The following SLC44A5 variants were observed in gnomAD, a reference collection of about 807,000 sequenced individuals.
The protein encoded by SLC44A5 is choline transporter-like protein 5.
Under a neutral mutation model 101.8 loss-of-function variants are expected in SLC44A5, and 57 were observed. That is an observed-to-expected ratio of 0.56 (90% CI 0.45 to 0.70). SLC44A5 has a LOEUF of 0.70. SLC44A5 is among the 30% of genes least tolerant of loss of function. SLC44A5 has a pLI of 0.00. For synonymous variants in SLC44A5, 281 were observed against 290.9 expected, an observed-to-expected ratio of 0.97 and a Z score of 0.35; for missense variants, 737 against 853.1, an observed-to-expected ratio of 0.86 and a Z score of 1.70.
chr1:75,302,147 C>T (rs757266721), intron 4 of SLC44A5, among the ~76,000 whole-genome samples: 5 of 73,754 alleles, frequency 6.8e-5, no homozygotes, highest in Non-Finnish European at 9.3e-5. Flanking sequence ...GGTTAACAAC[C>T]ATTGTAAGCA....
At chr1:75,693,451 A>G in the SLC44A5 span, among the ~76,000 whole-genome samples, 1 of 152,160 alleles carries the variant, frequency 6.6e-6, no homozygotes, top group South Asian at 2.1e-4. Context: ...CTGTTTGTTC[A>G]CCTGGCCTTA....
chr1:75,661,483 G>A, the SLC44A5 span, among the ~76,000 whole-genome samples: 1 of 146,074 alleles, frequency 6.8e-6, no homozygotes, highest in Non-Finnish European at 1.5e-5. Context: ...AAAAGCACAG[G>A]CAACAAAAGC....
intron 1 of SLC44A5, among the ~76,000 whole-genome samples, chr1:75,600,373 A>G (rs147306391): frequency 0.011 from 1,746 of 152,308 alleles, 44 homozygotes; most frequent in African/African-American, 0.04. Flanking sequence ...TTGTTTTCCA[A>G]AACTTTTTCA....
chr1:75,536,802 C>T (rs1046378642), intron 2 of SLC44A5, among the ~76,000 whole-genome samples: 7 of 144,616 alleles, frequency 4.8e-5, no homozygotes, highest in Admixed American at 4.8e-4. Flanking sequence ...GTCAGGAGAT[C>T]GAGACCATCC....
At chr1:75,353,004 A>G (rs1329712068) in intron 3 of SLC44A5, among the ~76,000 whole-genome samples, 2 of 152,154 alleles carry the variant, frequency 1.3e-5, no homozygotes, top group African/African-American at 4.8e-5. Context: ...ATACATTCCT[A>G]AATAATATAA....
intron 1 of SLC44A5, among the ~76,000 whole-genome samples, chr1:75,557,714 T>C (rs1672297642): frequency 6.6e-6 from 1 of 152,130 alleles, no homozygotes; most frequent in African/African-American, 2.4e-5. Flanking sequence ...TATACACATT[T>C]ACACTGTAGT....
intron 3 of SLC44A5, among the ~76,000 whole-genome samples, chr1:75,361,709 A>G (rs192579353): frequency 6.6e-6 from 1 of 152,136 alleles, no homozygotes; most frequent in Non-Finnish European, 1.5e-5. Flanking sequence ...CTTGATCATG[A>G]TGCATAATTG....
intron 2 of SLC44A5, among the ~76,000 whole-genome samples, chr1:75,519,612 A>T (rs1670011600): frequency 6.6e-6 from 1 of 152,200 alleles, no homozygotes; most frequent in Non-Finnish European, 1.5e-5. Context: ...CACAATTCTC[A>T]ATAACAAAAC....
the SLC44A5 span, among the ~76,000 whole-genome samples, chr1:75,627,368 C>A: frequency 6.6e-6 from 1 of 151,844 alleles, no homozygotes; most frequent in Admixed American, 6.6e-5. Context: ...ATTAGGGAGC[C>A]CCTGAATGTC....
At chr1:75,320,953 T>TA (rs1327620840) in intron 4 of SLC44A5, among the ~76,000 whole-genome samples, 1 of 152,108 alleles carries the variant, frequency 6.6e-6, no homozygotes, top group Non-Finnish European at 1.5e-5. Context: ...AGTGTGCTTA[T>TA]TTATCATTGT....
intron 5 of SLC44A5, among the ~76,000 whole-genome samples, chr1:75,277,513 C>T (rs1435828029): frequency 6.6e-6 from 1 of 151,938 alleles, no homozygotes; most frequent in African/African-American, 2.4e-5. Context: ...ACTAGAAAGG[C>T]GATAATGCTT....
At chr1:75,587,878 T>C (rs1383683729) in intron 1 of SLC44A5, among the ~76,000 whole-genome samples, 2 of 152,190 alleles carry the variant, frequency 1.3e-5, no homozygotes, top group Non-Finnish European at 2.9e-5. Context: ...GAGGTTTTAC[T>C]GCGTCTGGCA....
intron 2 of SLC44A5, among the ~76,000 whole-genome samples, chr1:75,520,027 C>T (rs1469660948): frequency 6.6e-6 from 1 of 152,136 alleles, no homozygotes; most frequent in East Asian, 1.9e-4. Context: ...AAAAACATAC[C>T]ATGATGGAGA....
At chr1:75,661,169 A>C in the SLC44A5 span, among the ~76,000 whole-genome samples, 1 of 152,024 alleles carries the variant, frequency 6.6e-6, no homozygotes, top group African/African-American at 2.4e-5. Flanking sequence ...AATTGAAAAC[A>C]CAGAAATAAA....
At chr1:75,690,690 C>A in the SLC44A5 span, among the ~76,000 whole-genome samples, 3,910 of 152,304 alleles carry the variant, frequency 0.026, 75 homozygotes, top group Non-Finnish European at 0.037. Flanking sequence ...ATTATACACT[C>A]ATTAACATAC....
At chr1:75,320,924 C>T (rs1285070730) in intron 4 of SLC44A5, among the ~76,000 whole-genome samples, 1 of 152,082 alleles carries the variant, frequency 6.6e-6, no homozygotes, top group African/African-American at 2.4e-5. Context: ...TTCAGAAAAT[C>T]ATGCCAGGAC....
At chr1:75,679,964 T>C in the SLC44A5 span, among the ~76,000 whole-genome samples, 1 of 152,162 alleles carries the variant, frequency 6.6e-6, no homozygotes, top group African/African-American at 2.4e-5. Context: ...GTTGCAATCC[T>C]AGTCTCTGAT....
At chr1:75,530,759 T>A (rs211771) in intron 2 of SLC44A5, among the ~76,000 whole-genome samples, 34,145 of 152,108 alleles carry the variant, frequency 0.22, 4,129 homozygotes, top group Admixed American at 0.3. Context: ...TTTCCTCAGA[T>A]GCCAAAACCA....
At chr1:75,301,463 T>C (rs150985498) in intron 4 of SLC44A5, among the ~76,000 whole-genome samples, 2 of 152,332 alleles carry the variant, frequency 1.3e-5, no homozygotes, top group African/African-American at 4.8e-5. Context: ...TGTCATTCTT[T>C]ATTTGAAACT....
Sources: gnomAD v4.1 joint callset for allele counts (sites outside exome capture counted in the v4.1 genomes callset) on GRCh38, gnomAD v4.1.1 for gene constraint, MANE v1.5 for transcripts, NCBI Gene and HGNC (gene_info 2026-07-23, HGNC 2026-07-21) for gene names.